Variants in ST7L observed in about 807,000 individuals in gnomAD.
The protein encoded by ST7L is suppressor of tumorigenicity 7 protein-like.
Under a neutral mutation model 72.5 loss-of-function variants are expected in ST7L, and 57 were observed. That is an observed-to-expected ratio of 0.79 (90% confidence interval 0.64 to 0.98). The LOEUF (loss-of-function observed/expected upper bound fraction) is 0.98, where lower values mean the gene tolerates loss of function less well. Ranked by LOEUF, ST7L falls within the 50% of genes least tolerant of loss-of-function variation. The pLI is 0.00. For synonymous variants in ST7L, 221 were observed against 240.9 expected, an observed-to-expected ratio of 0.92 and a Z score of 0.77; for missense variants, 576 against 672.2, an observed-to-expected ratio of 0.86 and a Z score of 1.58.
intron 13 of ST7L, 49 bp from the exon 14 acceptor site, chr1:112,542,139 A>AAAC (rs781387687): frequency 1.3e-6 from 2 of 1,493,528 alleles, no homozygotes; most frequent in Admixed American, 4.6e-5. Flanking sequence ...AATAACATGT[A>AAAC]AACAAGTCTT....
chr1:112,595,065 T>A (rs1054605130), intron 5 of ST7L, among the ~76,000 whole-genome samples: 13 of 152,066 alleles, frequency 8.5e-5, no homozygotes, highest in Admixed American at 7.2e-4. Context: ...CATTTACTAC[T>A]GTTAAAGGGC....
intron 6 of ST7L, among the ~76,000 whole-genome samples, chr1:112,587,989 T>C (rs1442103402): frequency 6.6e-6 from 1 of 152,220 alleles, no homozygotes; most frequent in Non-Finnish European, 1.5e-5. Flanking sequence ...TGCTTTATAG[T>C]TTTCAGCATC....
intron 13 of ST7L, among the ~76,000 whole-genome samples, chr1:112,542,323 A>T (rs1225571643): frequency 6.6e-6 from 1 of 152,172 alleles, no homozygotes; most frequent in Non-Finnish European, 1.5e-5. Flanking sequence ...GCGTCATGGG[A>T]AAGAATATTG....
chr1:112,560,351 G>A (rs534542934), intron 11 of ST7L, among the ~76,000 whole-genome samples: 29 of 152,190 alleles, frequency 1.9e-4, no homozygotes, highest in East Asian at 7.7e-4. Context: ...CCAAGATCGC[G>A]CCACTGCACT....
At chr1:112,610,143 T>C (rs914512216) in intron 3 of ST7L, among the ~76,000 whole-genome samples, 5 of 152,140 alleles carry the variant, frequency 3.3e-5, no homozygotes, top group African/African-American at 1.2e-4. Flanking sequence ...TAAGGTGAAA[T>C]AGTATGTAAC....
At chr1:112,603,425 C>T (rs1282928125) in intron 3 of ST7L, among the ~76,000 whole-genome samples, 3 of 152,106 alleles carry the variant, frequency 2.0e-5, no homozygotes, top group African/African-American at 7.2e-5. Flanking sequence ...GAAGAGTACT[C>T]ATAGAAAGTT....
rs574494471 is a variant in ST7L, at chr1:112,574,467, G to A, written c.1245+2519C>T. 4.6e-4 allele frequency among the ~76,000 whole-genome samples: 70 copies of A among 150,990 alleles called. 1 individual carries two copies. The highest frequency in any genetic ancestry group is 1.6e-3 in the East Asian group (8 of 5,022). On this transcript the variant is annotated intron_variant, in intron 11 of 14. Coordinates refer to ENST00000358039, the MANE Select transcript of ST7L (RefSeq NM_017744.5). ...AAGGTCAGGAGATCGAGACCATCCTGGCTAACACTGTGAAACCTCGTCTCT... is the reference window on the plus strand; with the variant it reads ...AAGGTCAGGAGATCGAGACCATCCTAGCTAACACTGTGAAACCTCGTCTCT...
intron 5 of ST7L, 54 bp downstream of exon 5, chr1:112,597,917 T>G: frequency 2.9e-6 from 4 of 1,379,090 alleles, no homozygotes; most frequent in Non-Finnish European, 4.0e-6. Context: ...CTAAAGAACT[T>G]TTAAGATGAT....
At chr1:112,602,774 G>A (rs1667624887) in intron 3 of ST7L, among the ~76,000 whole-genome samples, 1 of 143,100 alleles carries the variant, frequency 7.0e-6, no homozygotes, top group African/African-American at 2.6e-5. Flanking sequence ...GGAGTGCAAT[G>A]GTGCAATCTC....
chr1:112,566,299 T>G (rs1383309431), intron 11 of ST7L, among the ~76,000 whole-genome samples: 1 of 137,394 alleles, frequency 7.3e-6, no homozygotes, highest in East Asian at 2.1e-4. Flanking sequence ...TTCTTCTTCT[T>G]TTTTTTTTTT....
chr1:112,582,688 T>C (rs1664310721), intron 7 of ST7L, among the ~76,000 whole-genome samples: 1 of 152,150 alleles, frequency 6.6e-6, no homozygotes, highest in South Asian at 2.1e-4. Context: ...GTTTTCTGTA[T>C]TAAAACTTAA....
At chr1:112,543,308 G>A (rs564008466) in intron 13 of ST7L, among the ~76,000 whole-genome samples, 2 of 152,334 alleles carry the variant, frequency 1.3e-5, no homozygotes, top group East Asian at 1.9e-4. Context: ...CCAGCACCTT[G>A]GGAGGCTAAG....
intron 3 of ST7L, among the ~76,000 whole-genome samples, chr1:112,602,630 G>C (rs914720259): frequency 6.6e-6 from 1 of 151,214 alleles, no homozygotes; most frequent in Admixed American, 6.6e-5. Context: ...GGCCCCTTTT[G>C]TAATGAAACA....
chr1:112,576,343 C>T (rs1410197706), intron 11 of ST7L, among the ~76,000 whole-genome samples: 1 of 152,182 alleles, frequency 6.6e-6, no homozygotes, highest in African/African-American at 2.4e-5. Flanking sequence ...CCTCCCACCT[C>T]GGCCTCCCAA....
intron 11 of ST7L, among the ~76,000 whole-genome samples, chr1:112,561,968 C>CTT (rs35922454): frequency 6.0e-4 from 82 of 136,810 alleles, no homozygotes; most frequent in East Asian, 2.4e-3. Context: ...TAAAACTTTA[C>CTT]TTTTTTTTTT....
At chr1:112,534,114 T>C (rs933981749) in intron 14 of ST7L, among the ~76,000 whole-genome samples, 1 of 152,194 alleles carries the variant, frequency 6.6e-6, no homozygotes, top group African/African-American at 2.4e-5. Flanking sequence ...CCTTTTTATT[T>C]TTCTGACAAT....
chr1:112,556,271 T>A (rs1236703109), intron 11 of ST7L, among the ~76,000 whole-genome samples: 2 of 152,178 alleles, frequency 1.3e-5, no homozygotes, highest in Non-Finnish European at 2.9e-5. Context: ...CCTGGCTAAA[T>A]ACAAAATGGA....
At chr1:112,581,661 T>C (rs1664144682) in intron 9 of ST7L, among the ~76,000 whole-genome samples, 3 of 152,080 alleles carry the variant, frequency 2.0e-5, no homozygotes, top group Admixed American at 1.3e-4. Flanking sequence ...CACCTCAGTC[T>C]CCAAAACAAA....
chr1:112,571,325 T>C, intron 11 of ST7L: 1 of 456,574 alleles, frequency 2.2e-6, no homozygotes, highest in African/African-American at 2.0e-5. Flanking sequence ...TGATATTTAG[T>C]TGAGGGGAAA....
Sources: allele counts gnomAD v4.1 joint callset (sites outside exome capture counted in the v4.1 genomes callset), GRCh38; gene constraint gnomAD v4.1.1; transcripts MANE v1.5; gene names NCBI Gene and HGNC (gene_info 2026-07-23, HGNC 2026-07-21).